The following TSPAN31 variants were observed in gnomAD, a reference collection of about 807,000 sequenced individuals.
TSPAN31 encodes the protein tetraspanin 31.
TSPAN31 carries 16 observed loss-of-function variants against 24.8 expected under a neutral mutation model. The observed-to-expected ratio is 0.64, with a 90% CI of 0.44 to 0.98. The LOEUF (loss-of-function observed/expected upper bound fraction) is 0.98. Among genes scored for constraint, TSPAN31 ranks in the 50% least tolerant of loss-of-function variants. TSPAN31 has a pLI of 0.00. For missense variants in TSPAN31, 209 were observed against 251.6 expected (o/e 0.83, Z 1.15); for synonymous variants, 87 against 91.4 (o/e 0.95, Z 0.27).
Position 57,748,268 on chromosome 12 carries a change from T to G in TSPAN31, c.*978T>G. ...ATTTCTTTGTTTTGTTTTTCCTGTA[T>G]AAAAAAGGACCCCAAATATAAAGGT... On this transcript the variant is annotated 3_prime_UTR_variant, in exon 6 of 6. Coordinates refer to ENST00000257910, the MANE Select transcript of TSPAN31 (RefSeq NM_005981.5). 2.6e-6 allele frequency: 1 copy of G among 388,056 alleles called. No individual in the cohort carries two copies. 24.0% of individuals were successfully genotyped at this position (388,056 alleles called of 1,614,324 possible).
chr12:57,746,188 C>T lies in TSPAN31; in HGVS notation c.244C>T (p.Leu82Phe), dbSNP rs528175456. 1 of 1,614,030 alleles carries T rather than the reference C, an allele frequency of 6.2e-7. No homozygotes were observed. The highest frequency in any genetic ancestry group is 1.1e-5 in the South Asian group (1 of 91,076). ...QVLLFFYMII[L>F]GLVFIFQFVI... ...CCTTTCCTCTCAGTACATGATCATC[C>T]TTGGTTTGGTCTTCATCTTCCAATT... The change falls in exon 3 of 6, where the codon CTT (leucine) becomes TTT (phenylalanine). Residue 82 changes from leucine (L) to phenylalanine (F), a missense_variant. Physicochemically the swap from Leu to Phe is conservative, Grantham distance 22. Coordinates refer to ENST00000257910, the MANE Select transcript of TSPAN31 (RefSeq NM_005981.5).
In TSPAN31 at chr12:57,749,347, A is replaced by G. The variant is rs1955203661; in HGVS notation, c.*2057A>G. On this transcript the variant is annotated 3_prime_UTR_variant, in exon 6 of 6. Coordinates refer to ENST00000257910, the MANE Select transcript of TSPAN31 (RefSeq NM_005981.5). ...GGGGGACAGGAGAACTCTGGTCAGGAGGGTCCTCCAGTTCCCATCCCCATG... is the reference window on the plus strand; with the variant it reads ...GGGGGACAGGAGAACTCTGGTCAGGGGGGTCCTCCAGTTCCCATCCCCATG... 1 of 1,614,096 alleles carries G rather than the reference A, an allele frequency of 6.2e-7. No individual in the cohort carries two copies. The highest frequency in any genetic ancestry group is 8.5e-7 in the Non-Finnish European group (1 of 1,179,932).
In TSPAN31 at chr12:57,747,735, A is replaced by C. The variant is rs1240017737; in HGVS notation, c.*445A>C. ...CGAATATAAAAGTAAAAGCCATTTA[A>C]AAATCTATATTCTTTTTTTTTTTTT... is the stretch of plus-strand genomic sequence containing the variant. On this transcript the variant is annotated 3_prime_UTR_variant, in exon 6 of 6. Transcript: ENST00000257910. 1 of 161,426 alleles carries C rather than the reference A, an allele frequency of 6.2e-6. No individual in the cohort carries two copies. Among genetic ancestry groups the C allele is most frequent in the African/African-American group, 2.4e-5 (1 of 41,674 alleles). The allele number at this position is 161,426 out of a possible 1,614,324, so 10.0% of individuals were successfully genotyped here. A position where few individuals can be genotyped will look rare whatever the true frequency, so the allele number is the denominator to read the frequency against.
chr12:57,747,291 G>A lies in TSPAN31; in HGVS notation c.*1G>A, dbSNP rs1490562108. 5 of 1,613,798 alleles carry A rather than the reference G, an allele frequency of 3.1e-6. No homozygotes were observed. Among genetic ancestry groups the A allele is most frequent in the East Asian group, 4.5e-5 (2 of 44,902 alleles). On this transcript the variant is annotated 3_prime_UTR_variant, in exon 6 of 6. Transcript: ENST00000257910. ...AGCCAACCCCAGTGCCTTTCTATGA[G>A]ACTTTGGATCCTTCTGACTTTTCTT...
rs781077913 is a variant in TSPAN31 at position 57,748,626 on chromosome 12, A to G, written c.*1336A>G. 1 of 1,601,568 alleles carries G rather than the reference A, an allele frequency of 6.2e-7. No individual in the cohort carries two copies. The highest frequency in any genetic ancestry group is 1.1e-5 in the South Asian group (1 of 90,826). On this transcript the variant is annotated 3_prime_UTR_variant, in exon 6 of 6. Transcript: ENST00000257910. ...TTAAAAGTCAGCATTTCCTGAGGGG[A>G]GAGGCAAAGGTCAGAAAACCATGAA...
At chr12:57,745,370 G>A (rs1305354781) in intron 1 of TSPAN31, 153 bp downstream of exon 1, 2 of 815,480 alleles carry the variant, frequency 2.5e-6, no homozygotes, top group Non-Finnish European at 3.8e-6. Flanking sequence ...ACTTCCGTGG[G>A]AGAGAGGAGA....
In TSPAN31 at chr12:57,748,708, C is replaced by CTTCTTT. The variant is rs1555201052; in HGVS notation, c.*1420_*1421insCTTTTT. 1.0e-5 allele frequency: 7 copies of CTTCTTT among 693,630 alleles called. No homozygotes were observed. Among genetic ancestry groups the CTTCTTT allele is most frequent in the South Asian group, 7.8e-5 (5 of 64,244 alleles). The allele number at this position is 693,630 out of a possible 1,614,324, so 43.0% of individuals were successfully genotyped here. A position where few individuals can be genotyped will look rare whatever the true frequency, so the allele number is the denominator to read the frequency against. On this transcript the variant is annotated 3_prime_UTR_variant, in exon 6 of 6. Coordinates refer to ENST00000257910, the MANE Select transcript of TSPAN31 (RefSeq NM_005981.5). ...CCTGGGATGAGCTTTCTTCTTTTTT[C>CTTCTTT]TTTTTTTTTTTTTTTGAGACGGAGT...
In TSPAN31 at chr12:57,748,819, T is replaced by C. The variant is rs2140381822; in HGVS notation, c.*1529T>C. The C allele has an allele frequency of 5.3e-6, 3 of 570,438 alleles. No homozygotes were observed. Among genetic ancestry groups the C allele is most frequent in the Non-Finnish European group, 9.4e-6 (3 of 319,848 alleles). 35.3% of individuals were successfully genotyped at this position (570,438 alleles called of 1,614,324 possible). On this transcript the variant is annotated 3_prime_UTR_variant, in exon 6 of 6. Coordinates refer to ENST00000257910, the MANE Select transcript of TSPAN31 (RefSeq NM_005981.5). Reference sequence around the variant, plus strand: ...CTCCTGAGTTGAAGTGATTCTCCTATCTCAGCCTCCCAAGTAGCTGAGATT... The same window carrying C: ...CTCCTGAGTTGAAGTGATTCTCCTACCTCAGCCTCCCAAGTAGCTGAGATT...
In TSPAN31 at chr12:57,747,492, CT is replaced by C. The variant is rs945155094; in HGVS notation, c.*205del. 2.8e-4 allele frequency: 153 copies of C among 547,818 alleles called. No homozygotes were observed. Among genetic ancestry groups the C allele is most frequent in the African/African-American group, 2.5e-3 (133 of 53,058 alleles). 33.9% of individuals were successfully genotyped at this position (547,818 alleles called of 1,614,324 possible). A position where few individuals can be genotyped will look rare whatever the true frequency, so the allele number is the denominator to read the frequency against. On this transcript the variant is annotated 3_prime_UTR_variant, in exon 6 of 6. Transcript: ENST00000257910. ...AGACTATAAGGAATAAAAGGAAAAA[CT>C]TTCTTCCTCTCTCTCCAAGAGGATA...
At position 57,748,525 on chromosome 12, in the gene TSPAN31, T is replaced by G; in HGVS notation, c.*1235T>G. ...CCTTCCATGGCAGCCACTCCATTGCTCACTCCGGATTACCTTCATCCTTAT... is the reference window on the plus strand; with the variant it reads ...CCTTCCATGGCAGCCACTCCATTGCGCACTCCGGATTACCTTCATCCTTAT... On this transcript the variant is annotated 3_prime_UTR_variant, in exon 6 of 6. Transcript: ENST00000257910. 6.2e-7 allele frequency: 1 copy of G among 1,608,960 alleles called. No individual in the cohort carries two copies. The highest frequency in any genetic ancestry group is 8.5e-7 in the Non-Finnish European group (1 of 1,175,442).
chr12:57,745,640 ATTC>A, intron 1 of TSPAN31, 102 bp from the exon 2 acceptor site: 1 of 1,394,208 alleles, frequency 7.2e-7, no homozygotes, highest in East Asian at 2.3e-5. Context: ...TTCACACACT[ATTC>A]CATTATTCCT....
At chr12:57,745,500 G>A (rs1382641461) in intron 1 of TSPAN31, 1 of 614,042 alleles carries the variant, frequency 1.6e-6, no homozygotes, top group African/African-American at 1.9e-5. Context: ...GTGATAGGAT[G>A]ATCCTGAGGG....
rs200215596 is a variant in TSPAN31 at position 57,749,222 on chromosome 12, A to T, written c.*1932A>T. 1.3e-4 allele frequency: 212 copies of T among 1,613,828 alleles called. 1 individual carries two copies. The highest frequency in any genetic ancestry group is 1.7e-4 in the Non-Finnish European group (204 of 1,179,876). On this transcript the variant is annotated 3_prime_UTR_variant, in exon 6 of 6. Transcript: ENST00000257910. ...TCCCGACTCCTCCATCTCAGGTACC[A>T]CCGACTGCACTGGGCGGGGCCCTCT...
rs1179538980 is a variant in TSPAN31, at chr12:57,747,264, A to G, written c.607A>G (p.Arg203Gly). The G allele has an allele frequency of 6.2e-7, 1 of 1,614,080 alleles. No individual in the cohort carries two copies. Among genetic ancestry groups the G allele is most frequent in the Non-Finnish European group, 8.5e-7 (1 of 1,179,944 alleles). ...AMRFRNQKDP[R>G]ANPSAFL ...GAGATTTCGGAATCAGAAGGATCCT[A>G]GAGCCAACCCCAGTGCCTTTCTATG... Residue 203 changes from arginine (R) to glycine (G), a missense_variant, in exon 6 of 6, where the codon AGA becomes GGA. Physicochemically the swap from Arg to Gly is moderately radical, Grantham distance 125. Transcript: ENST00000257910.
At position 57,748,728 on chromosome 12, in the gene TSPAN31, C is replaced by T. The variant is rs560428281; in HGVS notation, c.*1438C>T. On this transcript the variant is annotated 3_prime_UTR_variant, in exon 6 of 6. Coordinates refer to ENST00000257910, the MANE Select transcript of TSPAN31 (RefSeq NM_005981.5). The stretch of plus-strand genomic sequence containing the variant: ...TTTTTCTTTTTTTTTTTTTTTGAGA[C>T]GGAGTCTCGCTCTATCACCCAGGCT... 37 of 727,810 alleles carry T rather than the reference C, an allele frequency of 5.1e-5. No individual in the cohort carries two copies. Among genetic ancestry groups the T allele is most frequent in the East Asian group, 3.2e-4 (12 of 37,086 alleles). 45.1% of individuals were successfully genotyped at this position (727,810 alleles called of 1,614,324 possible).
chr12:57,749,736 C>T lies in TSPAN31; in HGVS notation c.*2446C>T, dbSNP rs1412613917. 12 of 571,680 alleles carry T rather than the reference C, an allele frequency of 2.1e-5. No individual in the cohort carries two copies. Among genetic ancestry groups the T allele is most frequent in the South Asian group, 4.0e-5 (2 of 49,528 alleles). The allele number at this position is 571,680 out of a possible 1,614,324, so 35.4% of individuals were successfully genotyped here. On this transcript the variant is annotated 3_prime_UTR_variant, in exon 6 of 6. Coordinates refer to ENST00000257910, the MANE Select transcript of TSPAN31 (RefSeq NM_005981.5). ...AAGAAATGCCAGGTGCAGCGGCTCA[C>T]GCCTGTAATCCTAGCACTTTGGGAG...
chr12:57,749,886 A>G lies in TSPAN31; in HGVS notation c.*2596A>G, dbSNP rs1328183476. 2 of 299,620 alleles carry G rather than the reference A, an allele frequency of 6.7e-6. No homozygotes were observed. The highest frequency in any genetic ancestry group is 2.2e-5 in the African/African-American group (1 of 45,434). 18.6% of individuals were successfully genotyped at this position (299,620 alleles called of 1,614,324 possible). A position where few individuals can be genotyped will look rare whatever the true frequency, so the allele number is the denominator to read the frequency against. On this transcript the variant is annotated 3_prime_UTR_variant, in exon 6 of 6. Transcript: ENST00000257910. ...GTGGCGTGCACCTGTGGTCCCAGCT[A>G]CTTGGGAGGCTGAGTCAAGAGAATT...
In TSPAN31 at chr12:57,745,878, G is replaced by A; in HGVS notation, c.197G>A (p.Gly66Asp). The A allele has an allele frequency of 1.9e-6, 3 of 1,611,664 alleles. No homozygotes were observed. The highest frequency in any genetic ancestry group is 2.5e-6 in the Non-Finnish European group (3 of 1,179,038). ...LLLIAVAGLV[G>D]AVNHHQVLLF... ...CTTATTGCAGTGGCTGGACTGGTGG[G>A]TGCTGTCAACCACCACCAAGTCCTG... The change falls in exon 2 of 6, where the codon GGT becomes GAT. Residue 66 changes from glycine (G) to aspartate (D), a missense_variant. Gly to Asp is a moderately conservative substitution (Grantham distance 94). Transcript: ENST00000257910.
chr12:57,747,201 C>T lies in TSPAN31; in HGVS notation c.559-15C>T. 6.2e-7 allele frequency: 1 copy of T among 1,614,012 alleles called. No homozygotes were observed. The highest frequency in any genetic ancestry group is 1.3e-5 in the African/African-American group (1 of 75,040). Reference sequence around the variant, plus strand: ...GAATTAATTGATACTTATCTCTCTCCCTTTGTTCCTACAGATCCTTGGTGT... The same window carrying T: ...GAATTAATTGATACTTATCTCTCTCTCTTTGTTCCTACAGATCCTTGGTGT... On this transcript the variant is annotated splice_polypyrimidine_tract_variant and intron_variant, in intron 5 of 5. Transcript: ENST00000257910.
Sources: gnomAD v4.1 joint callset for allele counts on GRCh38, gnomAD v4.1.1 for gene constraint, MANE v1.5 for transcripts, NCBI Gene and HGNC (gene_info 2026-07-23, HGNC 2026-07-21) for gene names.